The following ARHGEF3 variants were observed in gnomAD, a reference collection of about 807,000 sequenced individuals.
ARHGEF3 encodes Rho guanine nucleotide exchange factor 3.
ARHGEF3 carries 28 observed loss-of-function variants against 63.2 expected under a neutral mutation model. The ratio of observed to expected loss-of-function variants is 0.44; its 90% CI spans 0.33 to 0.61. The LOEUF is 0.61. ARHGEF3 is among the 20% of genes least tolerant of loss of function. ARHGEF3 has a pLI of 0.03. For synonymous variants in ARHGEF3, 266 were observed against 254.2 expected (o/e 1.05, Z -0.44); for missense variants, 533 against 659.3 (o/e 0.81, Z 2.10).
At chr3:56,881,113 A>C (rs1274932587) in intron 4 of ARHGEF3, among the ~76,000 whole-genome samples, 2 of 152,208 alleles carry the variant, frequency 1.3e-5, no homozygotes, top group South Asian at 4.1e-4. Flanking sequence ...TTTCCTTTTC[A>C]CAATGGTTTT....
chr3:56,865,089 C>A (rs2040198372), intron 4 of ARHGEF3, among the ~76,000 whole-genome samples: 1 of 152,160 alleles, frequency 6.6e-6, no homozygotes, highest in Admixed American at 6.5e-5. Context: ...TCATGAGTTG[C>A]CAGAAGCTGG....
chr3:57,015,255 G>C (rs1702943194), intron 2 of ARHGEF3, among the ~76,000 whole-genome samples: 2 of 152,112 alleles, frequency 1.3e-5, no homozygotes, highest in Admixed American at 1.3e-4. Context: ...ATCTGACCTA[G>C]AGATAAACTT....
At chr3:56,778,283 G>A (rs1490001768) in intron 1 of ARHGEF3, among the ~76,000 whole-genome samples, 4 of 152,156 alleles carry the variant, frequency 2.6e-5, no homozygotes, top group Admixed American at 6.5e-5. Context: ...ACTAAGGCAC[G>A]TAGTGAGCAA....
intron 1 of ARHGEF3, chr3:57,079,215 C>G (rs1706351247): frequency 2.5e-6 from 1 of 397,574 alleles, no homozygotes; most frequent in Non-Finnish European, 4.4e-6. Flanking sequence ...CCGACTGCTT[C>G]CCGCACTCAC....
At chr3:56,773,110 A>G (rs1057182398) in intron 2 of ARHGEF3, among the ~76,000 whole-genome samples, 1 of 152,134 alleles carries the variant, frequency 6.6e-6, no homozygotes, top group Non-Finnish European at 1.5e-5. Context: ...CAACTACTCA[A>G]TTATGCCATA....
chr3:56,750,749 C>T (rs576485529), intron 6 of ARHGEF3, among the ~76,000 whole-genome samples: 24 of 146,812 alleles, frequency 1.6e-4, no homozygotes, highest in Non-Finnish European at 3.1e-4. Context: ...ATTGGCCTGA[C>T]GGAATATTAA....
rs563931294 is a variant in ARHGEF3, at chr3:56,795,170, C to T, written c.96+6533G>A. On this transcript the variant is annotated intron_variant, in intron 1 of 9. Transcript: ENST00000296315. ...TTTTTGACCAATGGTTGGTTGAATCCGTGGATGTGGAACGAGTGGATACAG... is the reference window on the plus strand; with the variant it reads ...TTTTTGACCAATGGTTGGTTGAATCTGTGGATGTGGAACGAGTGGATACAG... 1.7e-4 allele frequency among the ~76,000 whole-genome samples: 26 copies of T among 152,160 alleles called. 1 individual carries two copies. In the South Asian group the frequency reaches 2.9e-3, roughly 17 times the overall value.
rs78414702 is a variant in ARHGEF3, at chr3:56,832,054, G to A, written c.192+50238C>T. Among the ~76,000 whole-genome samples the A allele has an allele frequency of 9.9e-3, 1,510 of 152,002 alleles. 73 individuals are homozygous for A. The highest frequency in any genetic ancestry group is 0.092 in the East Asian group (467 of 5,092). On this transcript the variant is annotated intron_variant, in intron 4 of 12. Transcript: ENST00000338458. ...GAGAGGGGCCAGTGGAGGCTATACA[G>A]AAAGACTGCACAAACTAGAGGGTCC...
At position 56,729,467 on chromosome 3, in the gene ARHGEF3, C is replaced by G; in HGVS notation, c.1384G>C (p.Asp462His). ...LCAAGQAGVL[D>H]SEGSFLNPTT... ...GGATTTAGGAACGATCCCTCGGAGTCAAGCACCCCAGCTTGCCCGGCAGCA... is the reference window on the plus strand; with the variant it reads ...GGATTTAGGAACGATCCCTCGGAGTGAAGCACCCCAGCTTGCCCGGCAGCA... Residue 462 changes from aspartate to histidine, a missense_variant, in exon 10 of 10, where the codon GAC (aspartate) becomes CAC (histidine). Physicochemically the swap from Asp to His is moderately conservative, Grantham distance 81. Around this residue, in one of 4 missense-constraint regions of ARHGEF3, gnomAD observed 115 missense variants for 103.4 expected, o/e 1.11. Coordinates refer to ENST00000296315, the MANE Select transcript of ARHGEF3 (RefSeq NM_019555.3). The G allele has an allele frequency of 1.1e-5, 17 of 1,614,190 alleles. No individual in the cohort carries two copies. The highest frequency in any genetic ancestry group is 1.4e-5 in the Non-Finnish European group (17 of 1,180,044).
chr3:57,043,597 T>G (rs755075768), intron 1 of ARHGEF3, among the ~76,000 whole-genome samples: 2 of 151,958 alleles, frequency 1.3e-5, no homozygotes, highest in Admixed American at 6.5e-5. Context: ...GAGCATATCA[T>G]GGAAGGCTTC....
At chr3:56,907,763 G>A (rs148044839) in intron 3 of ARHGEF3, among the ~76,000 whole-genome samples, 3 of 152,262 alleles carry the variant, frequency 2.0e-5, no homozygotes, top group Non-Finnish European at 4.4e-5. Flanking sequence ...AACTAATGCA[G>A]GAACAGAAAA....
chr3:56,817,146 C>T (rs2038302364), intron 4 of ARHGEF3, among the ~76,000 whole-genome samples: 1 of 152,340 alleles, frequency 6.6e-6, no homozygotes. Context: ...AACCATCAAG[C>T]AAGTTACTCA....
chr3:57,010,791 A>G (rs1702666326), intron 2 of ARHGEF3, among the ~76,000 whole-genome samples: 1 of 152,182 alleles, frequency 6.6e-6, no homozygotes, highest in South Asian at 2.1e-4. Flanking sequence ...CTAATCTTGA[A>G]AAATAGACTT....
chr3:56,895,197 T>A (rs2041258724), intron 3 of ARHGEF3, among the ~76,000 whole-genome samples: 1 of 151,916 alleles, frequency 6.6e-6, no homozygotes, highest in East Asian at 1.9e-4. Flanking sequence ...TTCCAGGCGC[T>A]GCATCAGAAA....
At chr3:56,930,852 T>A (rs931466017) in intron 3 of ARHGEF3, among the ~76,000 whole-genome samples, 1 of 152,202 alleles carries the variant, frequency 6.6e-6, no homozygotes, top group African/African-American at 2.4e-5. Flanking sequence ...TCAGAATGAC[T>A]AATGAAACCA....
chr3:56,755,284 G>A, intron 2 of ARHGEF3, 133 bp from the exon 3 acceptor site: 1 of 1,005,752 alleles, frequency 9.9e-7, no homozygotes, highest in South Asian at 1.5e-5. Context: ...CAAGGCCTTT[G>A]GGAAGTGGGG....
intron 2 of ARHGEF3, among the ~76,000 whole-genome samples, chr3:56,995,646 AGAGAGAG>A: frequency 8.1e-6 from 1 of 122,742 alleles, no homozygotes; most frequent in Non-Finnish European, 1.9e-5. Flanking sequence ...AGAGAGAGAG[AGAGAGAG>A]AGAGAGAGAG....
chr3:56,926,835 A>G (rs2042287577), intron 3 of ARHGEF3, among the ~76,000 whole-genome samples: 1 of 151,374 alleles, frequency 6.6e-6, no homozygotes, highest in African/African-American at 2.4e-5. Context: ...GTTGAGCCAC[A>G]AAGAGCCTCC....
chr3:56,868,437 T>C (rs935935251), intron 4 of ARHGEF3, among the ~76,000 whole-genome samples: 1 of 151,700 alleles, frequency 6.6e-6, no homozygotes, highest in Admixed American at 6.6e-5. Context: ...CTTGGCTCAC[T>C]GCAGCCTCCA....
Sources: gnomAD v4.1 joint callset for allele counts (sites outside exome capture counted in the v4.1 genomes callset) on GRCh38, gnomAD v4.1.1 for gene constraint, gnomAD v4.1.1 regional missense constraint, MANE v1.5 for transcripts, NCBI Gene and HGNC (gene_info 2026-07-23, HGNC 2026-07-21) for gene names.